RACGAP1: variants seen among roughly 807,000 people sequenced by gnomAD.
RACGAP1 encodes the protein Rac GTPase activating protein 1.
In RACGAP1, 30 loss-of-function variants were observed where a neutral mutation model predicts 78.1. That is an observed-to-expected ratio of 0.38 (90% CI 0.29 to 0.52). The LOEUF is 0.52. RACGAP1 is among the 20% of genes least tolerant of loss of function. The probability of loss-of-function intolerance (pLI) is 0.82; values close to 1 mark genes in which losing one functional copy is unlikely to be tolerated. For synonymous variants in RACGAP1, 231 were observed against 264.8 expected (o/e 0.87, Z 1.24); for missense variants, 587 against 777.1 (o/e 0.76, Z 2.91).
chr12:50,026,466 T>G (rs1328962811), upstream of RACGAP1, among the ~76,000 whole-genome samples: 1 of 152,194 alleles, frequency 6.6e-6, no homozygotes, highest in Non-Finnish European at 1.5e-5. Flanking sequence ...TACAACACAG[T>G]GACTGTAGTT....
At chr12:49,996,535 G>A (rs1330522839) in intron 10 of RACGAP1, among the ~76,000 whole-genome samples, 3 of 147,964 alleles carry the variant, frequency 2.0e-5, no homozygotes, top group East Asian at 4.1e-4. Flanking sequence ...AGGTACTTGG[G>A]AGGCTGAGGC....
intron 2 of RACGAP1, among the ~76,000 whole-genome samples, chr12:50,010,605 G>A (rs984658207): frequency 6.6e-6 from 1 of 151,536 alleles, no homozygotes; most frequent in Non-Finnish European, 1.5e-5. Context: ...TTACAGGTGT[G>A]AGCCACTTTG....
intron 2 of RACGAP1, among the ~76,000 whole-genome samples, chr12:50,010,835 G>A (rs1592193196): frequency 1.3e-5 from 2 of 151,912 alleles, no homozygotes; most frequent in East Asian, 3.9e-4. Flanking sequence ...GGGAGGCTGA[G>A]ACAGGAGAAT....
chr12:49,999,492 T>C (rs1948514941), intron 8 of RACGAP1, 124 bp downstream of exon 8: 1 of 972,322 alleles, frequency 1.0e-6, no homozygotes, highest in African/African-American at 1.6e-5. Flanking sequence ...TGGTCCTCGG[T>C]ATGCAGCAGT....
intron 1 of RACGAP1, among the ~76,000 whole-genome samples, chr12:50,024,548 T>C (rs1950179974): frequency 6.6e-6 from 1 of 152,108 alleles, no homozygotes; most frequent in Non-Finnish European, 1.5e-5. Context: ...AACTACGTAT[T>C]GGGTACAATG....
intron 2 of RACGAP1, among the ~76,000 whole-genome samples, chr12:50,015,645 CA>C (rs1349196674): frequency 6.6e-6 from 1 of 151,560 alleles, no homozygotes; most frequent in Non-Finnish European, 1.5e-5. Context: ...ACTGAAAATA[CA>C]AAAAAATTAG....
chr12:49,999,287 C>T lies in RACGAP1; in HGVS notation c.749-16G>A. 1 of 1,589,412 alleles carries T rather than the reference C, an allele frequency of 6.3e-7. No homozygotes were observed. Among genetic ancestry groups the T allele is most frequent in the Non-Finnish European group, 8.5e-7 (1 of 1,173,350 alleles). The stretch of plus-strand genomic sequence containing the variant: ...TGTAAAGTACCTAGAAAACAAGCAA[C>T]TTTTAAGCTTTGTGTCTTAAGTATT... On this transcript the variant is annotated splice_polypyrimidine_tract_variant and intron_variant, in intron 8 of 16. Transcript: ENST00000312377.
upstream of RACGAP1, among the ~76,000 whole-genome samples, chr12:50,027,826 A>AAATC (rs532135598): frequency 1.8e-3 from 276 of 152,254 alleles, no homozygotes; most frequent in South Asian, 0.013. Context: ...ACTCCATCTC[A>AAATC]AATCAATCAA....
At chr12:50,018,851 T>A (rs992634125) in intron 1 of RACGAP1, among the ~76,000 whole-genome samples, 17 of 151,446 alleles carry the variant, frequency 1.1e-4, no homozygotes, top group Admixed American at 2.6e-4. Flanking sequence ...TTTTTTTTTT[T>A]AATTTTTTGA....
intron 1 of RACGAP1, among the ~76,000 whole-genome samples, chr12:50,021,870 G>A (rs1201191254): frequency 1.3e-5 from 2 of 152,210 alleles, no homozygotes; most frequent in Non-Finnish European, 1.5e-5. Flanking sequence ...TGAGGACAAT[G>A]TGAGGACAAT....
chr12:50,025,975 G>A (rs1463480472), upstream of RACGAP1, among the ~76,000 whole-genome samples: 1 of 152,118 alleles, frequency 6.6e-6, no homozygotes, highest in African/African-American at 2.4e-5. Context: ...ACTGGGAATC[G>A]GAAAAATAAA....
At chr12:50,021,149 T>G in intron 1 of RACGAP1, 4 of 978,114 alleles carry the variant, frequency 4.1e-6, no homozygotes, top group Non-Finnish European at 4.8e-6. Context: ...TCCCCCCATG[T>G]ATTATTTAGT....
intron 6 of RACGAP1, among the ~76,000 whole-genome samples, chr12:50,001,633 A>C (rs1176201260): frequency 6.6e-6 from 1 of 152,256 alleles, no homozygotes; most frequent in Non-Finnish European, 1.5e-5. Flanking sequence ...CTTATATTAG[A>C]GCACAAAAGT....
intron 1 of RACGAP1, 136 bp from the exon 2 acceptor site, chr12:50,016,855 C>A (rs1949712223): frequency 1.4e-6 from 2 of 1,383,754 alleles, no homozygotes; most frequent in Non-Finnish European, 1.9e-6. Context: ...CTCAAGCTAA[C>A]AACAGATGTT....
intron 2 of RACGAP1, among the ~76,000 whole-genome samples, chr12:50,008,421 A>G (rs182386833): frequency 6.6e-6 from 1 of 151,850 alleles, no homozygotes; most frequent in Admixed American, 6.6e-5. Context: ...CTGGTCTCAA[A>G]CTCCTAACCT....
upstream of RACGAP1, among the ~76,000 whole-genome samples, chr12:50,027,508 T>C (rs759918920): frequency 1.2e-3 from 179 of 152,236 alleles, 1 homozygote; most frequent in African/African-American, 4.3e-3. Flanking sequence ...ATGTGACCTC[T>C]GAAGAATGAG....
rs60239235 is a variant in RACGAP1 at position 50,032,536 on chromosome 12, A to AGTGTGTGTGTGTGTGTGTGT, written c.-195+414_-195+433dup. On this transcript the variant is annotated intron_variant, in intron 1 of 3. Coordinates refer to the RACGAP1 transcript ENST00000548247. Reference sequence around the variant, plus strand: ...CGAGAAGGCAGCAAAGGAAAAGGTGAGTGTGTGTGTGTGTGTGTGTGTGTG... The same window carrying AGTGTGTGTGTGTGTGTGTGT: ...CGAGAAGGCAGCAAAGGAAAAGGTGAGTGTGTGTGTGTGTGTGTGTGTGTGTGTGTGTGTGTGTGTGTGTG... Among the ~76,000 whole-genome samples, 558 of 147,112 alleles carry AGTGTGTGTGTGTGTGTGTGT rather than the reference A, an allele frequency of 3.8e-3. 6 individuals carry two copies. The highest frequency in any genetic ancestry group is 8.8e-3 in the African/African-American group (345 of 39,098).
chr12:49,994,468 G>C lies in RACGAP1; in HGVS notation c.1086C>G (p.Ile362Met), dbSNP rs746194849. The change falls in exon 11 of 17, where the codon ATC (isoleucine) becomes ATG (methionine). Residue 362 changes from isoleucine (I) to methionine (M), a missense_variant. By Grantham distance (10) the Ile-to-Met change is conservative. Transcript: ENST00000312377. ...TTACACAATGCACAACAATGGAGGG[G>C]ATCATTGGAGAAGTCTGGGACACAA... ...ADFVSQTSPMIPSIVVHCVNE... is the reference protein window; with the variant it reads ...ADFVSQTSPMMPSIVVHCVNE... 1.2e-6 allele frequency: 2 copies of C among 1,613,956 alleles called. No individual in the cohort carries two copies. Among genetic ancestry groups the C allele is most frequent in the Non-Finnish European group, 1.7e-6 (2 of 1,180,004 alleles).
upstream of RACGAP1, among the ~76,000 whole-genome samples, chr12:50,027,084 T>A (rs1950282029): frequency 3.9e-5 from 6 of 152,306 alleles, no homozygotes; most frequent in South Asian, 1.2e-3. Context: ...CCCATCTCTA[T>A]CTCACAGGTT....
Sources: allele counts gnomAD v4.1 joint callset (sites outside exome capture counted in the v4.1 genomes callset), GRCh38; gene constraint gnomAD v4.1.1; transcripts MANE v1.5; gene names NCBI Gene and HGNC (gene_info 2026-07-23, HGNC 2026-07-21).